The following SLC24A2 variants were observed in gnomAD, a reference collection of about 807,000 sequenced individuals.
The protein encoded by SLC24A2 is solute carrier family 24 member 2, also known as sodium/potassium/calcium exchanger 2.
Under a neutral mutation model 62.0 loss-of-function variants are expected in SLC24A2, and 36 were observed. The observed-to-expected ratio is 0.58, with a 90% confidence interval of 0.44 to 0.77. The LOEUF (loss-of-function observed/expected upper bound fraction) is 0.77, where lower values mean the gene tolerates loss of function less well. Among genes scored for constraint, SLC24A2 ranks in the 30% least tolerant of loss-of-function variants. The pLI, the probability that SLC24A2 is intolerant of heterozygous loss-of-function variation, is 0.00. For missense variants in SLC24A2, 846 were observed against 817.9 expected, an observed-to-expected ratio of 1.03 and a Z score of -0.42; for synonymous variants, 358 against 294.0, an observed-to-expected ratio of 1.22 and a Z score of -2.23.
chr9:19,687,853 G>A (rs1819929772), intron 2 of SLC24A2, among the ~76,000 whole-genome samples: 1 of 152,022 alleles, frequency 6.6e-6, no homozygotes, highest in Non-Finnish European at 1.5e-5. Flanking sequence ...CAGGATCCAG[G>A]CAATGACAAA....
chr9:19,844,903 A>T, the SLC24A2 span, among the ~76,000 whole-genome samples: 2 of 145,434 alleles, frequency 1.4e-5, no homozygotes, highest in Non-Finnish European at 1.5e-5. Context: ...GTACCATGCT[A>T]TTTTGGTTTC....
chr9:19,851,027 ATT>A, the SLC24A2 span, among the ~76,000 whole-genome samples: 3 of 55,286 alleles, frequency 5.4e-5, no homozygotes, highest in African/African-American at 2.3e-4. Context: ...ATATATACAT[ATT>A]TTTTTTTTTT....
At chr9:19,531,984 C>T (rs1372346375) in intron 8 of SLC24A2, among the ~76,000 whole-genome samples, 1 of 152,128 alleles carries the variant, frequency 6.6e-6, no homozygotes, top group African/African-American at 2.4e-5. Context: ...GAGGGTTCCA[C>T]CACCCCTGAG....
chr9:19,689,194 G>T (rs1045915046), intron 2 of SLC24A2, among the ~76,000 whole-genome samples: 1 of 152,118 alleles, frequency 6.6e-6, no homozygotes, highest in South Asian at 2.1e-4. Context: ...GTTGTAAATG[G>T]TACAGCTTTC....
At chr9:20,129,478 G>A in the SLC24A2 span, among the ~76,000 whole-genome samples, 1 of 152,126 alleles carries the variant, frequency 6.6e-6, no homozygotes, top group East Asian at 1.9e-4. Flanking sequence ...ACTTGTACAC[G>A]AATATTCACA....
the SLC24A2 span, among the ~76,000 whole-genome samples, chr9:20,223,876 C>T: frequency 1.3e-5 from 2 of 152,058 alleles, no homozygotes; most frequent in African/African-American, 2.4e-5. Context: ...AGAAGCTTAA[C>T]GGATTTACAG....
the SLC24A2 span, among the ~76,000 whole-genome samples, chr9:19,961,165 G>GAA: frequency 7.6e-6 from 1 of 131,802 alleles, no homozygotes; most frequent in Non-Finnish European, 1.7e-5. Context: ...GAGAGAGAGA[G>GAA]AAATAATACA....
intron 5 of SLC24A2, among the ~76,000 whole-genome samples, chr9:19,593,411 G>A (rs759886960): frequency 1.7e-4 from 26 of 152,102 alleles, no homozygotes; most frequent in Non-Finnish European, 3.2e-4. Context: ...GTGTGGCCTC[G>A]GGAGCTGCTC....
the SLC24A2 span, among the ~76,000 whole-genome samples, chr9:20,206,788 C>T: frequency 2.6e-5 from 4 of 151,636 alleles, no homozygotes; most frequent in South Asian, 2.1e-4. Context: ...CGCTTTATTA[C>T]TTTTAATTAA....
At chr9:20,108,911 A>G in the SLC24A2 span, among the ~76,000 whole-genome samples, 1 of 152,172 alleles carries the variant, frequency 6.6e-6, no homozygotes, top group Non-Finnish European at 1.5e-5. Context: ...GTCATGTGCC[A>G]TGTAAAAACA....
chr9:19,972,440 C>G, the SLC24A2 span, among the ~76,000 whole-genome samples: 5 of 152,208 alleles, frequency 3.3e-5, no homozygotes, highest in African/African-American at 9.6e-5. Flanking sequence ...GTTTTGTAAG[C>G]TTTTCACATA....
chr9:19,529,063 G>C (rs754780498), intron 8 of SLC24A2, among the ~76,000 whole-genome samples: 2 of 152,088 alleles, frequency 1.3e-5, no homozygotes, highest in South Asian at 2.1e-4. Context: ...TGAAAAATTG[G>C]GGTCTTTTAA....
the SLC24A2 span, among the ~76,000 whole-genome samples, chr9:20,112,804 G>C: frequency 6.6e-6 from 1 of 151,832 alleles, no homozygotes; most frequent in African/African-American, 2.4e-5. Flanking sequence ...CAGCCCCCAT[G>C]ACTTCTACCC....
intron 9 of SLC24A2, among the ~76,000 whole-genome samples, chr9:19,527,039 C>G (rs1833476642): frequency 1.3e-5 from 2 of 152,048 alleles, no homozygotes; most frequent in Non-Finnish European, 2.9e-5. Flanking sequence ...AGGTAAGGAT[C>G]TAAGTTTATT....
the SLC24A2 span, among the ~76,000 whole-genome samples, chr9:19,884,766 C>A: frequency 6.6e-6 from 1 of 152,128 alleles, no homozygotes; most frequent in African/African-American, 2.4e-5. Flanking sequence ...AGATGTTCAA[C>A]ACTTTAATAT....
At chr9:20,230,950 A>G in the SLC24A2 span, among the ~76,000 whole-genome samples, 4 of 152,182 alleles carry the variant, frequency 2.6e-5, no homozygotes, top group African/African-American at 7.2e-5. Flanking sequence ...CTTTCTACAT[A>G]TGGCTAGCCA....
chr9:20,143,129 G>C, the SLC24A2 span, among the ~76,000 whole-genome samples: 1 of 152,150 alleles, frequency 6.6e-6, no homozygotes, highest in East Asian at 1.9e-4. Flanking sequence ...TGCACAAAAT[G>C]GCAGCCTTTA....
the SLC24A2 span, among the ~76,000 whole-genome samples, chr9:20,118,243 C>A: frequency 6.6e-6 from 1 of 152,078 alleles, no homozygotes; most frequent in Non-Finnish European, 1.5e-5. Flanking sequence ...CAATAAGACC[C>A]AACTGCCACT....
intron 2 of SLC24A2, among the ~76,000 whole-genome samples, chr9:19,746,738 C>T (rs1367365500): frequency 6.6e-6 from 1 of 152,100 alleles, no homozygotes; most frequent in East Asian, 1.9e-4. Context: ...GCAGGCCAAA[C>T]TAAGTGCTAT....
Sources: allele counts gnomAD v4.1 joint callset (sites outside exome capture counted in the v4.1 genomes callset), GRCh38; gene constraint gnomAD v4.1.1; transcripts MANE v1.5; gene names NCBI Gene and HGNC (gene_info 2026-07-23, HGNC 2026-07-21).